TTC28: variants seen among roughly 807,000 people sequenced by gnomAD.
TTC28 encodes tetratricopeptide repeat protein 28.
A neutral mutation model predicts 198.0 loss-of-function variants in TTC28; 61 were observed. The observed-to-expected ratio is 0.31, with a 90% CI of 0.25 to 0.38. The LOEUF is 0.38. Among genes scored for constraint, TTC28 ranks in the 10% least tolerant of loss-of-function variants. TTC28 has a pLI of 1.00. For missense variants in TTC28, 2,678 were observed against 3,164.0 expected (o/e 0.85, Z 3.69); for synonymous variants, 1,171 against 1,297.8 (o/e 0.90, Z 2.10).
At chr22:28,078,472 A>G (rs1391981075) in intron 12 of TTC28, among the ~76,000 whole-genome samples, 3 of 152,078 alleles carry the variant, frequency 2.0e-5, no homozygotes, top group Non-Finnish European at 4.4e-5. Flanking sequence ...CTAGGGCATC[A>G]CCATCTGCTT....
At chr22:28,583,514 T>C (rs990111221) in intron 2 of TTC28, among the ~76,000 whole-genome samples, 2 of 152,232 alleles carry the variant, frequency 1.3e-5, no homozygotes, top group African/African-American at 4.8e-5. Flanking sequence ...CACAGTTTTA[T>C]GGAACTGTGA....
intron 12 of TTC28, among the ~76,000 whole-genome samples, chr22:28,032,064 C>T (rs963623009): frequency 4.0e-5 from 6 of 151,108 alleles, no homozygotes; most frequent in African/African-American, 1.5e-4. Context: ...TCTCAGCCTC[C>T]ACAACCACAT....
intron 2 of TTC28, among the ~76,000 whole-genome samples, chr22:28,377,301 G>A (rs911650010): frequency 8.1e-5 from 12 of 148,224 alleles, no homozygotes; most frequent in Admixed American, 1.3e-4. Context: ...TAATACAAAG[G>A]AATTCCTGGG....
intron 3 of TTC28, among the ~76,000 whole-genome samples, chr22:28,303,108 G>T (rs2045060784): frequency 6.6e-6 from 1 of 152,188 alleles, no homozygotes; most frequent in South Asian, 2.1e-4. Flanking sequence ...TTAACAGGAA[G>T]AGAGACAATA....
intron 2 of TTC28, among the ~76,000 whole-genome samples, chr22:28,309,543 A>G (rs910881613): frequency 6.6e-6 from 1 of 152,224 alleles, no homozygotes; most frequent in Non-Finnish European, 1.5e-5. Flanking sequence ...TGACCTGCCA[A>G]TAGCCTATCT....
intron 16 of TTC28, chr22:27,996,478 T>G: frequency 3.2e-6 from 2 of 619,848 alleles, no homozygotes; most frequent in Non-Finnish European, 2.7e-6. Flanking sequence ...TGTTCAGCTG[T>G]TCAGGTTAGT....
intron 5 of TTC28, among the ~76,000 whole-genome samples, chr22:28,268,730 G>C (rs892733975): frequency 6.6e-6 from 1 of 152,128 alleles, no homozygotes; most frequent in African/African-American, 2.4e-5. Context: ...GATTACCAGA[G>C]AATTAGGTTT....
intron 5 of TTC28, among the ~76,000 whole-genome samples, chr22:28,201,442 CTG>C (rs1374902939): frequency 6.6e-6 from 1 of 151,958 alleles, no homozygotes; most frequent in East Asian, 1.9e-4. Context: ...ATCAGAGAAA[CTG>C]AGATTTAAAA....
intron 2 of TTC28, among the ~76,000 whole-genome samples, chr22:28,425,391 T>A (rs985673648): frequency 1.3e-5 from 2 of 152,216 alleles, no homozygotes; most frequent in Non-Finnish European, 2.9e-5. Flanking sequence ...AGTCAGGCAC[T>A]ATGTTGGGCA....
At chr22:28,392,101 G>A (rs1216995901) in intron 2 of TTC28, among the ~76,000 whole-genome samples, 6 of 152,110 alleles carry the variant, frequency 3.9e-5, no homozygotes, top group Non-Finnish European at 8.8e-5. Flanking sequence ...GTACCTGGCT[G>A]TGTGAGGTGT....
chr22:28,082,200 T>A (rs1214011170), intron 12 of TTC28, among the ~76,000 whole-genome samples: 1 of 152,232 alleles, frequency 6.6e-6, no homozygotes, highest in African/African-American at 2.4e-5. Context: ...CATCTGTGAA[T>A]AGAGATAATT....
At chr22:28,247,789 G>A (rs1189021242) in intron 5 of TTC28, among the ~76,000 whole-genome samples, 2 of 152,182 alleles carry the variant, frequency 1.3e-5, no homozygotes, top group Non-Finnish European at 2.9e-5. Flanking sequence ...TATATGTGGA[G>A]AACTAAAAGC....
At chr22:28,273,776 A>G (rs892983594) in intron 5 of TTC28, among the ~76,000 whole-genome samples, 8 of 152,204 alleles carry the variant, frequency 5.3e-5, no homozygotes, top group Non-Finnish European at 1.0e-4. Flanking sequence ...CAGAATACAC[A>G]GCAAACCACA....
rs1447454462 is a variant in TTC28 at position 27,998,939 on chromosome 22, C to T, written c.4720G>A (p.Gly1574Ser). The T allele has an allele frequency of 1.9e-6, 3 of 1,550,708 alleles. No individual in the cohort carries two copies. Among genetic ancestry groups the T allele is most frequent in the South Asian group, 2.4e-5 (2 of 84,050 alleles). ...GNPASSKSSF[G>S]HPYTIPESLR... ...GACTCAGGGATCGTGTAGGGGTGGC[C>T]GAAGGAGCTCTTGCTGCTGGCAGGG... The change falls in exon 16 of 23, where the codon GGC (glycine) becomes AGC (serine). Residue 1574 changes from glycine (G) to serine (S), a missense_variant. Gly to Ser is a moderately conservative substitution (Grantham distance 56). Coordinates refer to ENST00000397906, the MANE Select transcript of TTC28 (RefSeq NM_001145418.2).
chr22:28,586,083 A>T (rs1205295028), intron 2 of TTC28, among the ~76,000 whole-genome samples: 1 of 152,030 alleles, frequency 6.6e-6, no homozygotes, highest in Non-Finnish European at 1.5e-5. Context: ...GATTGAGACC[A>T]TCCTGGCTAA....
intron 14 of TTC28, chr22:28,006,539 C>T (rs947144910): frequency 6.6e-6 from 1 of 152,226 alleles, no homozygotes; most frequent in African/African-American, 2.4e-5. Flanking sequence ...AGACAAATGG[C>T]TTCTCTGGAA....
At chr22:28,042,453 C>G (rs1939682870) in intron 12 of TTC28, among the ~76,000 whole-genome samples, 1 of 152,004 alleles carries the variant, frequency 6.6e-6, no homozygotes, top group African/African-American at 2.4e-5. Context: ...AAGCTGGAAC[C>G]ATCATTCTAA....
rs1386291722 is a variant in TTC28, at chr22:28,494,574, C to A, written c.381+134978G>T. Among the ~76,000 whole-genome samples, 6 of 152,292 alleles carry A rather than the reference C, an allele frequency of 3.9e-5. No individual in the cohort carries two copies. In the East Asian group the frequency reaches 1.2e-3, roughly 29 times the overall value. ...CCACTGGAATGAATTATTTGCCTTG[C>A]TTCCTTGTTCATCCTATAAAAGCCT... is the stretch of plus-strand genomic sequence containing the variant. On this transcript the variant is annotated intron_variant, in intron 2 of 22. Coordinates refer to ENST00000397906, the MANE Select transcript of TTC28 (RefSeq NM_001145418.2).
intron 1 of TTC28, chr22:28,643,042 A>C (rs1236329504): frequency 1.3e-5 from 2 of 152,050 alleles, no homozygotes; most frequent in Non-Finnish European, 2.9e-5. Context: ...GTGTGATCCC[A>C]CTATTGATCA....
Sources: allele counts gnomAD v4.1 joint callset (sites outside exome capture counted in the v4.1 genomes callset), GRCh38; gene constraint gnomAD v4.1.1; transcripts MANE v1.5; gene names NCBI Gene and HGNC (gene_info 2026-07-23, HGNC 2026-07-21).